CHN1: variants seen among roughly 807,000 people sequenced by gnomAD.
CHN1 encodes chimerin 1, also known as N-chimaerin.
In CHN1, 37 loss-of-function variants were observed where a neutral mutation model predicts 59.5. The ratio of observed to expected loss-of-function variants is 0.62; its 90% CI spans 0.48 to 0.82. CHN1 has a LOEUF of 0.82. Ranked by LOEUF, CHN1 falls within the 40% of genes least tolerant of loss-of-function variation. CHN1 has a pLI of 0.00. For missense variants in CHN1, 469 were observed against 571.0 expected (o/e 0.82, Z 1.82); for synonymous variants, 206 against 200.4 (o/e 1.03, Z -0.24).
chr2:174,966,902 C>A (rs1424499239), intron 1 of CHN1, among the ~76,000 whole-genome samples: 1 of 152,188 alleles, frequency 6.6e-6, no homozygotes, highest in African/African-American at 2.4e-5. Context: ...GCATTCCCAA[C>A]TGGTTCCCAT....
At chr2:174,909,535 C>G (rs556752554) in intron 5 of CHN1, among the ~76,000 whole-genome samples, 3 of 152,324 alleles carry the variant, frequency 2.0e-5, no homozygotes, top group Admixed American at 6.5e-5. Context: ...CCCTTACACT[C>G]TCCTGCTGGG....
chr2:174,820,042 A>C (rs1210434493), intron 8 of CHN1, among the ~76,000 whole-genome samples: 2 of 151,614 alleles, frequency 1.3e-5, no homozygotes, highest in Non-Finnish European at 1.5e-5. Context: ...TATGTGCCAC[A>C]TTTTCTTAAT....
intron 1 of CHN1, among the ~76,000 whole-genome samples, chr2:174,984,894 T>A (rs1156278233): frequency 6.6e-6 from 1 of 152,204 alleles, no homozygotes; most frequent in Non-Finnish European, 1.5e-5. Context: ...TCTTCATATG[T>A]AATAGATTCT....
At chr2:175,004,641 C>T (rs74173161) in intron 1 of CHN1, among the ~76,000 whole-genome samples, 7,632 of 152,256 alleles carry the variant, frequency 0.05, 253 homozygotes, top group African/African-American at 0.089. Flanking sequence ...TGCAAAACAC[C>T]CAGGACCTCT....
intron 6 of CHN1, among the ~76,000 whole-genome samples, chr2:174,865,694 A>G (rs1402487530): frequency 6.6e-6 from 1 of 152,192 alleles, no homozygotes; most frequent in African/African-American, 2.4e-5. Context: ...GCCAAAGGGA[A>G]TGGTTTGATT....
chr2:174,832,981 T>C (rs774862869), intron 7 of CHN1, among the ~76,000 whole-genome samples: 8 of 152,170 alleles, frequency 5.3e-5, no homozygotes. Flanking sequence ...ACCACTGTCA[T>C]AACTGTGGTC....
intron 6 of CHN1, among the ~76,000 whole-genome samples, chr2:174,867,666 A>G (rs1322641499): frequency 6.6e-6 from 1 of 152,174 alleles, no homozygotes; most frequent in Non-Finnish European, 1.5e-5. Flanking sequence ...AAATTAAAGG[A>G]CTAGCTAAAT....
In CHN1 at chr2:174,927,582, T is replaced by A. The variant is rs555506125; in HGVS notation, c.115-9017A>T. Among the ~76,000 whole-genome samples, 58 of 152,346 alleles carry A rather than the reference T, an allele frequency of 3.8e-4. No homozygotes were observed. The South Asian group carries it at 0.011, about 30-fold the overall frequency. ...CCCCAACAATGTTATTTCTTTTTTT[T>A]ATTCCTGATTATTTCTTTTAGTAAG... On this transcript the variant is annotated intron_variant, in intron 3 of 12. Transcript: ENST00000409900.
chr2:174,930,990 G>A (rs889822774), intron 3 of CHN1, among the ~76,000 whole-genome samples: 5 of 151,940 alleles, frequency 3.3e-5, no homozygotes, highest in African/African-American at 1.2e-4. Context: ...GGATGGTCTC[G>A]TACTCCTGAC....
chr2:174,961,829 A>T (rs534091164), intron 1 of CHN1, among the ~76,000 whole-genome samples: 1 of 152,288 alleles, frequency 6.6e-6, no homozygotes, highest in Admixed American at 6.5e-5. Context: ...GATACTAGCA[A>T]GAGAATGAGA....
chr2:174,842,747 A>G (rs981981304), intron 7 of CHN1, among the ~76,000 whole-genome samples: 7 of 152,182 alleles, frequency 4.6e-5, no homozygotes, highest in Non-Finnish European at 7.4e-5. Flanking sequence ...TGGGTTCAGT[A>G]TGATCTCTTT....
intron 7 of CHN1, among the ~76,000 whole-genome samples, chr2:174,834,788 T>C (rs936898706): frequency 6.6e-6 from 1 of 152,248 alleles, no homozygotes; most frequent in South Asian, 2.1e-4. Context: ...GAGAAGATAG[T>C]AGTATAAAAA....
intron 5 of CHN1, among the ~76,000 whole-genome samples, chr2:174,887,716 C>T (rs891145165): frequency 2.0e-5 from 3 of 152,078 alleles, no homozygotes; most frequent in African/African-American, 4.8e-5. Context: ...TTTAGAGCAA[C>T]ATAACAAAGA....
chr2:174,800,683 T>C (rs1303569685), intron 12 of CHN1, among the ~76,000 whole-genome samples: 1 of 152,200 alleles, frequency 6.6e-6, no homozygotes, highest in African/African-American at 2.4e-5. Context: ...TGGAGTAGTT[T>C]TGCAAGTAGA....
intron 6 of CHN1, among the ~76,000 whole-genome samples, chr2:174,864,266 C>T (rs768263225): frequency 3.3e-5 from 5 of 152,062 alleles, no homozygotes; most frequent in Non-Finnish European, 5.9e-5. Context: ...AGGTGACTGT[C>T]AACTCAGAGG....
At chr2:174,804,461 G>A (rs1205947995) in intron 11 of CHN1, among the ~76,000 whole-genome samples, 1 of 152,186 alleles carries the variant, frequency 6.6e-6, no homozygotes. Flanking sequence ...GTATTTTTCA[G>A]TTATCTGTAC....
chr2:174,942,700 C>T (rs1689701292), intron 3 of CHN1, among the ~76,000 whole-genome samples: 1 of 152,110 alleles, frequency 6.6e-6, no homozygotes, highest in Admixed American at 6.5e-5. Context: ...AAATATCACT[C>T]TGTACTACAC....
At chr2:174,969,054 A>G (rs989629631) in intron 1 of CHN1, among the ~76,000 whole-genome samples, 2 of 152,188 alleles carry the variant, frequency 1.3e-5, no homozygotes, top group Non-Finnish European at 2.9e-5. Flanking sequence ...TATACTATAT[A>G]TATGTGAAAT....
intron 6 of CHN1, among the ~76,000 whole-genome samples, chr2:174,873,534 T>C (rs1308453268): frequency 6.6e-6 from 1 of 152,160 alleles, no homozygotes; most frequent in Admixed American, 6.5e-5. Flanking sequence ...AGTAAAAACA[T>C]TTAGAAGACT....
Sources: gnomAD v4.1 joint callset for allele counts (sites outside exome capture counted in the v4.1 genomes callset) on GRCh38, gnomAD v4.1.1 for gene constraint, MANE v1.5 for transcripts, NCBI Gene and HGNC (gene_info 2026-07-23, HGNC 2026-07-21) for gene names.